INCENP: variants seen among roughly 807,000 people sequenced by gnomAD.
INCENP encodes the protein inner centromere protein.
Under a neutral mutation model 107.3 loss-of-function variants are expected in INCENP, and 43 were observed. The observed-to-expected ratio is 0.40, with a 90% CI of 0.31 to 0.52. INCENP has a LOEUF of 0.52. Ranked by LOEUF, INCENP falls within the 20% of genes least tolerant of loss-of-function variation. INCENP has a pLI of 0.53. For missense variants in INCENP, 1,089 were observed against 1,250.9 expected, an observed-to-expected ratio of 0.87 and a Z score of 1.95; for synonymous variants, 488 against 494.4, an observed-to-expected ratio of 0.99 and a Z score of 0.17.
intron 11 of INCENP, 166 bp from the exon 12 acceptor site, chr11:62,144,816 G>C (rs1944201641): frequency 1.3e-6 from 1 of 776,346 alleles, no homozygotes; most frequent in Non-Finnish European, 2.3e-6. Flanking sequence ...TGCGGGCCTT[G>C]GCTTGGGTGC....
chr11:62,144,738 C>T lies in INCENP; in HGVS notation c.1606-244C>T, dbSNP rs59139531. On this transcript the variant is annotated intron_variant, in intron 11 of 18. Transcript: ENST00000394818. ...GTGTTGCCCAAAACTTGGCAGGGCT[C>T]AATGGAGGGCACTGTGGCTCAGGCC... 9,843 of 749,924 alleles carry T rather than the reference C, an allele frequency of 0.013. 577 individuals carry two copies. In the African/African-American group the frequency reaches 0.14, roughly 10 times the overall value. 46.5% of individuals were successfully genotyped at this position (749,924 alleles called of 1,614,324 possible). A position where few individuals can be genotyped will look rare whatever the true frequency, so the allele number is the denominator to read the frequency against.
chr11:62,139,652 A>G (rs1406597455), intron 7 of INCENP, among the ~76,000 whole-genome samples: 1 of 152,170 alleles, frequency 6.6e-6, no homozygotes, highest in African/African-American at 2.4e-5. Context: ...AAACAAAACA[A>G]TACTGACCCT....
Position 62,140,243 on chromosome 11 carries a change from C to A in INCENP, c.1301C>A (p.Thr434Lys), listed in dbSNP as rs199897189. ...ATTGCTGTCTTCACAGAGGCCAAGA[C>A]GGACCAAGCAGATGGACCCAGAGAG... ...TPSAGQQEAK[T>K]DQADGPREPP... is the part of the protein sequence containing the mutation. The change falls in exon 8 of 19, where the codon ACG (threonine) becomes AAG (lysine). Residue 434 changes from threonine to lysine, a missense_variant. Transcript: ENST00000394818. 6.2e-7 allele frequency: 1 copy of A among 1,613,454 alleles called. No homozygotes were observed. The highest frequency in any genetic ancestry group is 8.5e-7 in the Non-Finnish European group (1 of 1,179,834).
intron 18 of INCENP, among the ~76,000 whole-genome samples, chr11:62,151,457 A>C (rs1944370575): frequency 6.6e-6 from 1 of 152,200 alleles, no homozygotes; most frequent in Admixed American, 6.5e-5. Flanking sequence ...CCTTTGGGCA[A>C]ATCTGCTGAA....
At chr11:62,150,036 C>T (rs373293658) in intron 17 of INCENP, 21 bp from the exon 18 acceptor site, 23 of 1,611,470 alleles carry the variant, frequency 1.4e-5, no homozygotes, top group East Asian at 6.7e-5. Flanking sequence ...AGGGAACTGA[C>T]GGCCACGTTT....
intron 4 of INCENP, 111 bp from the exon 5 acceptor site, chr11:62,137,721 G>C (rs1944022292): frequency 4.5e-6 from 4 of 894,508 alleles, no homozygotes; most frequent in Admixed American, 1.8e-5. Flanking sequence ...TCCACGGCTA[G>C]TGATGGGAGC....
chr11:62,150,794 G>C (rs967623707), intron 18 of INCENP, among the ~76,000 whole-genome samples: 2 of 152,204 alleles, frequency 1.3e-5, no homozygotes, highest in African/African-American at 4.8e-5. Flanking sequence ...GAGCAGGGTA[G>C]GTGCTAGAAG....
chr11:62,148,626 A>C, intron 16 of INCENP, 72 bp downstream of exon 16: 7 of 1,363,720 alleles, frequency 5.1e-6, no homozygotes, highest in Non-Finnish European at 7.0e-6. Flanking sequence ...CTCCTGCAGC[A>C]GGGGCTGCCT....
chr11:62,146,957 G>A (rs1187011017), intron 15 of INCENP, 55 bp downstream of exon 15: 1 of 1,585,910 alleles, frequency 6.3e-7, no homozygotes, highest in African/African-American at 1.3e-5. Flanking sequence ...AAGAGAGACG[G>A]TGTGAACCTT....
In INCENP at chr11:62,145,726, C is replaced by T. The variant is rs544446491; in HGVS notation, c.1934C>T (p.Ala645Val). Residue 645 changes from alanine to valine, a missense_variant, in exon 14 of 19, where the codon GCA becomes GTA. Coordinates refer to ENST00000394818, the MANE Select transcript of INCENP (RefSeq NM_001040694.2). Reference protein sequence around the residue: ...VEARRKQEEEARRLRWLQQEE... With the variant: ...VEARRKQEEEVRRLRWLQQEE... Reference sequence around the variant, plus strand: ...GCACGCAGGAAGCAGGAAGAGGAGGCACGTAGGCTCAGGTGGCTGCAGCAG... The same window carrying T: ...GCACGCAGGAAGCAGGAAGAGGAGGTACGTAGGCTCAGGTGGCTGCAGCAG... The T allele has an allele frequency of 6.4e-7, 1 of 1,554,624 alleles. No homozygotes were observed. The highest frequency in any genetic ancestry group is 1.4e-5 in the African/African-American group (1 of 73,344).
At position 62,129,957 on chromosome 11, in the gene INCENP, C is replaced by T; in HGVS notation, c.430C>T (p.Pro144Ser). 6.2e-7 allele frequency: 1 copy of T among 1,614,106 alleles called. No individual in the cohort carries two copies. Among genetic ancestry groups the T allele is most frequent in the Non-Finnish European group, 8.5e-7 (1 of 1,180,024 alleles). The change falls in exon 4 of 19, where the codon CCC becomes TCC. Residue 144 changes from proline (P) to serine (S), a missense_variant. Transcript: ENST00000394818. ...ATMALAAPSS[P>S]TPESPTMLTK... The stretch of plus-strand genomic sequence containing the variant: ...CATGGCATTGGCTGCACCTTCTTCA[C>T]CCACCCCTGAGTCTCCCACGATGCT...
In INCENP at chr11:62,145,635, G is replaced by A; in HGVS notation, c.1843G>A (p.Glu615Lys). Residue 615 changes from glutamate to lysine, a missense_variant, in exon 14 of 19, where the codon GAG becomes AAG. Coordinates refer to ENST00000394818, the MANE Select transcript of INCENP (RefSeq NM_001040694.2). ...QIDEKTEKAK[E>K]ERLAEEKAKK... is the part of the protein sequence containing the mutation. ...GTGTGGGTGGGCTCTGCAGGCCAAG[G>A]AGGAGCGGCTGGCAGAGGAGAAGGC... 1 of 1,594,226 alleles carries A rather than the reference G, an allele frequency of 6.3e-7. No homozygotes were observed. Among genetic ancestry groups the A allele is most frequent in the Non-Finnish European group, 8.5e-7 (1 of 1,170,576 alleles).
chr11:62,146,134 A>G (rs1313076716), intron 14 of INCENP, among the ~76,000 whole-genome samples: 1 of 152,140 alleles, frequency 6.6e-6, no homozygotes, highest in African/African-American at 2.4e-5. Context: ...AGAGTTCTAT[A>G]CAATTGCTGT....
rs754166671 is a variant in INCENP at position 62,130,536 on chromosome 11, A to C, written c.1009A>C (p.Arg337=). 6.2e-6 allele frequency: 10 copies of C among 1,613,820 alleles called. No individual in the cohort carries two copies. Among genetic ancestry groups the C allele is most frequent in the Admixed American group, 3.3e-5 (2 of 60,012 alleles). The change falls in exon 4 of 19, where the codon AGA becomes CGA. Residue 337 remains arginine (R), a synonymous_variant. Transcript: ENST00000394818. ...GGAAAGTGTTGTCCGCAGGGCGAGC[A>C]GAAGGCTTGCCAAGAAGACTGCCGA... ...KQESVVRRAS[R]RLAKKTAEEP... is the part of the protein sequence containing the mutation.
chr11:62,148,565 C>T lies in INCENP; in HGVS notation c.2283+11C>T. The T allele has an allele frequency of 6.3e-7, 1 of 1,598,724 alleles. No individual in the cohort carries two copies. On this transcript the variant is annotated intron_variant, in intron 16 of 18. Coordinates refer to ENST00000394818, the MANE Select transcript of INCENP (RefSeq NM_001040694.2). ...GAGAAGAAGAAGAAGGTGAGGGGAG[C>T]TGGGTTGCGGGCTCCCCTGGGGTCT...
At chr11:62,126,200 G>GT (rs57052675) in intron 1 of INCENP, among the ~76,000 whole-genome samples, 5,791 of 99,990 alleles carry the variant, frequency 0.058, 315 homozygotes, top group Admixed American at 0.15. Flanking sequence ...GTTGTGCATG[G>GT]TTTTTTTTTT....
Position 62,136,151 on chromosome 11 carries a change from T to C in INCENP, c.1064-1681T>C, listed in dbSNP as rs555122457. ...CGTGGTGTTTTATTTTTGTGATGGA[T>C]TCACTTCATTGACTTGTGAAAAAAT... On this transcript the variant is annotated intron_variant, in intron 4 of 18. Transcript: ENST00000394818. Among the ~76,000 whole-genome samples the C allele has an allele frequency of 2.6e-5, 4 of 152,336 alleles. No individual in the cohort carries two copies. The East Asian group carries it at 7.7e-4, about 29-fold the overall frequency.
At chr11:62,143,011 A>T (rs1349602926) in intron 11 of INCENP, among the ~76,000 whole-genome samples, 1 of 133,656 alleles carries the variant, frequency 7.5e-6, no homozygotes, top group Non-Finnish European at 1.6e-5. Flanking sequence ...GTCCAGGGCC[A>T]CCTGCCAGGG....
intron 5 of INCENP, 98 bp from the exon 6 acceptor site, chr11:62,138,615 C>A: frequency 2.5e-6 from 3 of 1,178,484 alleles, no homozygotes; most frequent in African/African-American, 1.5e-5. Flanking sequence ...CTTGTGTTGA[C>A]CTCTTGGGTC....
Sources: allele counts gnomAD v4.1 joint callset (sites outside exome capture counted in the v4.1 genomes callset), GRCh38; gene constraint gnomAD v4.1.1; transcripts MANE v1.5; gene names NCBI Gene and HGNC (gene_info 2026-07-23, HGNC 2026-07-21).